The following RPL23A variants were observed in gnomAD, a reference collection of about 807,000 sequenced individuals.
The protein encoded by RPL23A is ribosomal protein L23a.
In RPL23A, 2 loss-of-function variants were observed where a neutral mutation model predicts 17.6. The ratio of observed to expected loss-of-function variants is 0.11; its 90% CI spans 0.05 to 0.36. The LOEUF is 0.36. Among genes scored for constraint, RPL23A ranks in the 10% least tolerant of loss-of-function variants. RPL23A has a pLI of 1.00. For missense variants in RPL23A, 132 were observed against 194.4 expected (o/e 0.68, Z 1.91); for synonymous variants, 65 against 74.3 (o/e 0.87, Z 0.65).
At chr17:28,720,461 G>T (rs1471654859) in intron 1 of RPL23A, 1 of 1,610,032 alleles carries the variant, frequency 6.2e-7, no homozygotes, top group Non-Finnish European at 8.5e-7. Context: ...ACATTTTCTG[G>T]AAAGTATCAA....
chr17:28,720,191 C>T, intron 1 of RPL23A, 161 bp downstream of exon 1: 4 of 1,531,014 alleles, frequency 2.6e-6, no homozygotes, highest in Non-Finnish European at 3.5e-6. Flanking sequence ...CCGCGTGGGC[C>T]CAGCCTCGTG....
At chr17:28,720,135 T>C (rs935850154) in intron 1 of RPL23A, 105 bp downstream of exon 1, 6 of 1,527,342 alleles carry the variant, frequency 3.9e-6, no homozygotes, top group African/African-American at 1.4e-5. Flanking sequence ...AGGGCTCTGC[T>C]CCGGGGCTGC....
At position 28,720,229 on chromosome 17, in the gene RPL23A, G is replaced by C. The variant is rs760486105; in HGVS notation, c.25+199G>C. 1.2e-4 allele frequency: 184 copies of C among 1,539,182 alleles called. 2 individuals are homozygous for C. The highest frequency in any genetic ancestry group is 4.1e-4 in the Middle Eastern group (2 of 4,900). On this transcript the variant is annotated intron_variant, in intron 1 of 4. Coordinates refer to ENST00000422514, the MANE Select transcript of RPL23A (RefSeq NM_000984.6). ...CTGAGTTCCGGTAGAGGGAGTTGGG[G>C]GGGGGCAACGCGGCAGGCATCATCC...
Position 28,720,852 on chromosome 17 carries a change from G to A in RPL23A, c.171G>A (p.Gln57=). The change falls in exon 2 of 5, where the codon CAG becomes CAA. Residue 57 remains glutamine (Q), a synonymous_variant. Coordinates refer to ENST00000422514, the MANE Select transcript of RPL23A (RefSeq NM_000984.6). ...CGAAGACACTGCGACTCCGGAGACA[G>A]CCCAAATATCCTCGGAAGAGCGCTC... ...RRPKTLRLRR[Q]PKYPRKSAPR... The A allele has an allele frequency of 6.2e-7, 1 of 1,614,116 alleles. No individual in the cohort carries two copies. The highest frequency in any genetic ancestry group is 8.5e-7 in the Non-Finnish European group (1 of 1,179,982).
intron 2 of RPL23A, 103 bp from the exon 3 acceptor site, chr17:28,722,620 A>G (rs1368467226): frequency 1.0e-6 from 1 of 981,470 alleles, no homozygotes; most frequent in South Asian, 1.3e-5. Context: ...CAAAGTCTGA[A>G]CAAAGTGATT....
rs1305583684 is a variant in RPL23A, at chr17:28,724,067, G to T, written c.*186G>T. 1 of 550,978 alleles carries T rather than the reference G, an allele frequency of 1.8e-6. No individual in the cohort carries two copies. Among genetic ancestry groups the T allele is most frequent in the African/African-American group, 1.9e-5 (1 of 52,898 alleles). The allele number at this position is 550,978 out of a possible 1,614,324, so 34.1% of individuals were successfully genotyped here. A position where few individuals can be genotyped will look rare whatever the true frequency, so the allele number is the denominator to read the frequency against. ...CTCACCCTGCCACTCCACCATGTATGATCATTCCAGAGATCTTTGTGACTA... is the reference window on the plus strand; with the variant it reads ...CTCACCCTGCCACTCCACCATGTATTATCATTCCAGAGATCTTTGTGACTA... On this transcript the variant is annotated 3_prime_UTR_variant, in exon 5 of 5. Coordinates refer to ENST00000422514, the MANE Select transcript of RPL23A (RefSeq NM_000984.6).
In RPL23A at chr17:28,724,225, A is replaced by G; in HGVS notation, c.*344A>G. On this transcript the variant is annotated 3_prime_UTR_variant, in exon 5 of 5. Transcript: ENST00000422514. Reference sequence around the variant, plus strand: ...TGCCCAGGGTTTGAAGGGTGTTAGCATCCATTTCAGGGGAGTGTGGATTGG... The same window carrying G: ...TGCCCAGGGTTTGAAGGGTGTTAGCGTCCATTTCAGGGGAGTGTGGATTGG... 3.8e-6 allele frequency: 2 copies of G among 530,338 alleles called. No homozygotes were observed. Among genetic ancestry groups the G allele is most frequent in the South Asian group, 2.6e-5 (1 of 38,732 alleles). 32.9% of individuals were successfully genotyped at this position (530,338 alleles called of 1,614,324 possible).
chr17:28,721,831 C>T (rs902796584), intron 2 of RPL23A: 2 of 152,228 alleles, frequency 1.3e-5, no homozygotes, highest in Admixed American at 1.3e-4. Context: ...CACAGACTGT[C>T]TTCCTGCCCC....
In RPL23A at chr17:28,719,994, C is replaced by G. The variant is rs1244466056; in HGVS notation, c.-12C>G. Reference sequence around the variant, plus strand: ...GCCCGTGGGAACGAGCATTGGAGACCCTTTTCACAAGATGGCGCCGAAAGC... The same window carrying G: ...GCCCGTGGGAACGAGCATTGGAGACGCTTTTCACAAGATGGCGCCGAAAGC... On this transcript the variant is annotated 5_prime_UTR_variant, in exon 1 of 5. Transcript: ENST00000422514. 2 of 1,551,808 alleles carry G rather than the reference C, an allele frequency of 1.3e-6. No homozygotes were observed. The highest frequency in any genetic ancestry group is 2.4e-5 in the East Asian group (1 of 40,960).
intron 2 of RPL23A, 183 bp from the exon 3 acceptor site, chr17:28,722,540 G>A (rs762943441): frequency 3.0e-5 from 23 of 759,918 alleles, no homozygotes; most frequent in East Asian, 5.0e-5. Context: ...AATGCACAAC[G>A]TTCTGCCCCT....
rs1252162286 is a variant in RPL23A at position 28,724,322 on chromosome 17, C to T, written c.*441C>T. 1.3e-5 allele frequency: 10 copies of T among 778,654 alleles called. No homozygotes were observed. Among genetic ancestry groups the T allele is most frequent in the South Asian group, 1.0e-4 (6 of 57,990 alleles). The allele number at this position is 778,654 out of a possible 1,614,324, so 48.2% of individuals were successfully genotyped here. On this transcript the variant is annotated 3_prime_UTR_variant, in exon 5 of 5. Transcript: ENST00000422514. ...CCAACCGGTCTGTCTGCTTCCCTCACCCCTTGCCCAATAAAGGACAAGGAC... is the reference window on the plus strand; with the variant it reads ...CCAACCGGTCTGTCTGCTTCCCTCATCCCTTGCCCAATAAAGGACAAGGAC...
intron 2 of RPL23A, 25 bp downstream of exon 2, chr17:28,720,915 GAAA>G (rs1196370786): frequency 6.3e-7 from 1 of 1,595,562 alleles, no homozygotes; most frequent in Non-Finnish European, 8.6e-7. Flanking sequence ...CTGTACCCAT[GAAA>G]AGATTTGGGT....
Position 28,723,948 on chromosome 17 carries a change from C to G in RPL23A, c.*67C>G. 2 of 1,170,630 alleles carry G rather than the reference C, an allele frequency of 1.7e-6. No individual in the cohort carries two copies. The highest frequency in any genetic ancestry group is 2.4e-6 in the Non-Finnish European group (2 of 831,004). 72.5% of individuals were successfully genotyped at this position (1,170,630 alleles called of 1,614,324 possible). A position where few individuals can be genotyped will look rare whatever the true frequency, so the allele number is the denominator to read the frequency against. ...ATCTTTTCACCATATACATGCCTGT[C>G]TGTCAATTTCTGGTTGGGCTGGGAG... On this transcript the variant is annotated 3_prime_UTR_variant, in exon 5 of 5. Coordinates refer to ENST00000422514, the MANE Select transcript of RPL23A (RefSeq NM_000984.6).
intron 1 of RPL23A, 54 bp from the exon 2 acceptor site, chr17:28,720,653 G>C: frequency 3.8e-6 from 6 of 1,593,432 alleles, no homozygotes; most frequent in Non-Finnish European, 5.2e-6. Flanking sequence ...TCTTGGGGCC[G>C]GAAGTGACCG....
intron 2 of RPL23A, chr17:28,722,312 C>T (rs946501449): frequency 6.9e-5 from 21 of 302,458 alleles, no homozygotes; most frequent in Non-Finnish European, 1.3e-4. Flanking sequence ...TTGAGTAGCT[C>T]GGACTACAGG....
At chr17:28,720,181 C>T (rs867866996) in intron 1 of RPL23A, 151 bp downstream of exon 1, 7 of 1,529,062 alleles carry the variant, frequency 4.6e-6, no homozygotes, top group African/African-American at 4.1e-5. Context: ...TATACGTGGG[C>T]CGCGTGGGCC....
At chr17:28,721,054 G>T (rs915341547) in intron 2 of RPL23A, 164 bp downstream of exon 2, 6 of 677,064 alleles carry the variant, frequency 8.9e-6, no homozygotes, top group Non-Finnish European at 1.2e-5. Flanking sequence ...TACAAAACTG[G>T]CAGGATCAGC....
At chr17:28,720,311 C>G in intron 1 of RPL23A, 1 of 1,550,516 alleles carries the variant, frequency 6.4e-7, no homozygotes, top group South Asian at 1.2e-5. Context: ...CTGGTTGGAG[C>G]TCCATGTCCC....
chr17:28,720,229 G>A, intron 1 of RPL23A, 199 bp downstream of exon 1: 2 of 1,539,182 alleles, frequency 1.3e-6, no homozygotes, highest in Non-Finnish European at 1.8e-6. Context: ...GGGAGTTGGG[G>A]GGGGGCAACG....
Sources: gnomAD v4.1 joint callset for allele counts on GRCh38, gnomAD v4.1.1 for gene constraint, MANE v1.5 for transcripts, NCBI Gene and HGNC (gene_info 2026-07-23, HGNC 2026-07-21) for gene names.